The following C2CD4A variants were observed in gnomAD, a reference collection of about 807,000 sequenced individuals.
The protein encoded by C2CD4A is C2 calcium-dependent domain-containing protein 4A.
In C2CD4A, 2 loss-of-function variants were observed where a neutral mutation model predicts 0.4. The ratio of observed to expected loss-of-function variants is 4.45; its 90% confidence interval spans 1.82 to 13.99. The LOEUF (loss-of-function observed/expected upper bound fraction) is 13.99. Among genes scored for constraint, C2CD4A ranks in the 30% most tolerant of loss-of-function variants. The pLI, the probability that C2CD4A is intolerant of heterozygous loss-of-function variation, is 0.04. For missense variants in C2CD4A, 610 were observed against 574.2 expected (o/e 1.06, Z -0.64); for synonymous variants, 297 against 280.8 (o/e 1.06, Z -0.58).
chr15:62,067,689 G>C lies in C2CD4A; in HGVS notation c.76G>C (p.Ala26Pro). The C allele has an allele frequency of 6.2e-7, 1 of 1,608,054 alleles. No homozygotes were observed. Among genetic ancestry groups the C allele is most frequent in the Non-Finnish European group, 8.5e-7 (1 of 1,179,830 alleles). ...RSGDWLLPGR[A>P]RGAKSRTTAA... ...CGGAGACTGGCTTCTCCCGGGTCGG[G>C]CCCGCGGAGCCAAGTCTCGCACCAC... is the stretch of plus-strand genomic sequence containing the variant. Residue 26 changes from alanine to proline, a missense_variant, in exon 2 of 2, where the codon GCC (alanine) becomes CCC (proline). Coordinates refer to ENST00000355522, the MANE Select transcript of C2CD4A (RefSeq NM_207322.3).
chr15:62,070,464 G>T lies in C2CD4A; in HGVS notation c.*1741G>T. ...ATTATAGGCGTGAGCCACCATGCCC[G>T]ACCAGTTTCTGCTTTTATTAAAATT... On this transcript the variant is annotated 3_prime_UTR_variant, in exon 2 of 2. Coordinates refer to ENST00000355522, the MANE Select transcript of C2CD4A (RefSeq NM_207322.3). The T allele has an allele frequency of 7.3e-6, 3 of 413,334 alleles. No individual in the cohort carries two copies. Among genetic ancestry groups the T allele is most frequent in the South Asian group, 1.3e-4 (1 of 7,798 alleles). The allele number at this position is 413,334 out of a possible 1,614,324, so 25.6% of individuals were successfully genotyped here.
In C2CD4A at chr15:62,067,966, A is replaced by T; in HGVS notation, c.353A>T (p.Glu118Val). 1 of 1,521,994 alleles carries T rather than the reference A, an allele frequency of 6.6e-7. No individual in the cohort carries two copies. The highest frequency in any genetic ancestry group is 2.5e-5 in the East Asian group (1 of 39,390). The allele number at this position is 1,521,994 out of a possible 1,614,324, so 94.3% of individuals were successfully genotyped here. A position where few individuals can be genotyped will look rare whatever the true frequency, so the allele number is the denominator to read the frequency against. Residue 118 changes from glutamate to valine, a missense_variant, in exon 2 of 2, where the codon GAG becomes GTG. Transcript: ENST00000355522. ...LLESPHTRRK[E>V]SLLLGGPPAP... ...GAGAGCCCGCACACGCGCCGCAAGG[A>T]GTCGCTCCTGCTCGGGGGCCCGCCC...
At position 62,068,237 on chromosome 15, in the gene C2CD4A, C is replaced by T; in HGVS notation, c.624C>T (p.Ser208=). 1 of 1,376,968 alleles carries T rather than the reference C, an allele frequency of 7.3e-7. No homozygotes were observed. Among genetic ancestry groups the T allele is most frequent in the Non-Finnish European group, 9.4e-7 (1 of 1,064,092 alleles). The allele number at this position is 1,376,968 out of a possible 1,614,324, so 85.3% of individuals were successfully genotyped here. A position where few individuals can be genotyped will look rare whatever the true frequency, so the allele number is the denominator to read the frequency against. ...SRRLTRVRSV[S]SGNEDKERRA... is the part of the protein sequence containing the mutation. ...GCCTGACCCGCGTCCGCTCCGTCTC[C>T]AGCGGGAACGAGGACAAGGAGCGCC... Residue 208 remains serine, a synonymous_variant, in exon 2 of 2, where the codon TCC becomes TCT. Transcript: ENST00000355522.
rs975017504 is a variant in C2CD4A, at chr15:62,068,418, C to T, written c.805C>T (p.Arg269Trp). ...LAAEYCPGTG[R>W]LRLRLLRAES... ...CGCCGAGTACTGTCCGGGAACCGGG[C>T]GGCTCCGCCTCCGGCTGCTCCGCGC... is the stretch of plus-strand genomic sequence containing the variant. Residue 269 changes from arginine to tryptophan, a missense_variant, in exon 2 of 2, where the codon CGG becomes TGG. Coordinates refer to ENST00000355522, the MANE Select transcript of C2CD4A (RefSeq NM_207322.3). 35 of 1,399,242 alleles carry T rather than the reference C, an allele frequency of 2.5e-5. No individual in the cohort carries two copies. The highest frequency in any genetic ancestry group is 3.4e-5 in the Admixed American group (1 of 29,102). 86.7% of individuals were successfully genotyped at this position (1,399,242 alleles called of 1,614,324 possible).
rs149436922 is a variant in C2CD4A, at chr15:62,067,720, C to A, written c.107C>A (p.Ala36Glu). 6.2e-7 allele frequency: 1 copy of A among 1,611,582 alleles called. No individual in the cohort carries two copies. The highest frequency in any genetic ancestry group is 8.5e-7 in the Non-Finnish European group (1 of 1,179,960). Reference protein sequence around the residue: ...ARGAKSRTTAACANVLTPDRI... With the variant: ...ARGAKSRTTAECANVLTPDRI... ...GGAGCCAAGTCTCGCACCACCGCCG[C>A]GTGCGCAAATGTGCTCACTCCGGAC... is the stretch of plus-strand genomic sequence containing the variant. Residue 36 changes from alanine to glutamate, a missense_variant, in exon 2 of 2, where the codon GCG (alanine) becomes GAG (glutamate). By Grantham distance (107) the Ala-to-Glu change is moderately radical (BLOSUM62 -1). Transcript: ENST00000355522.
chr15:62,067,807 G>C lies in C2CD4A; in HGVS notation c.194G>C (p.Arg65Pro), dbSNP rs755255905. 7.4e-6 allele frequency: 12 copies of C among 1,612,002 alleles called. No homozygotes were observed. The highest frequency in any genetic ancestry group is 1.0e-5 in the Non-Finnish European group (12 of 1,179,836). Residue 65 changes from arginine (R) to proline (P), a missense_variant, in exon 2 of 2, where the codon CGG becomes CCG. Transcript: ENST00000355522. ...LMPRLALAAL[R>P]NSWVEEAGMD... ...CCCCGCCTGGCCTTGGCTGCGCTCCGGAATTCTTGGGTCGAAGAAGCAGGG... is the reference window on the plus strand; with the variant it reads ...CCCCGCCTGGCCTTGGCTGCGCTCCCGAATTCTTGGGTCGAAGAAGCAGGG...
In C2CD4A at chr15:62,067,732, T is replaced by C. The variant is rs747991182; in HGVS notation, c.119T>C (p.Val40Ala). The C allele has an allele frequency of 1.9e-6, 3 of 1,612,466 alleles. No homozygotes were observed. The highest frequency in any genetic ancestry group is 2.2e-5 in the East Asian group (1 of 44,844). Residue 40 changes from valine (V) to alanine (A), a missense_variant, in exon 2 of 2, where the codon GTG becomes GCG. Coordinates refer to ENST00000355522, the MANE Select transcript of C2CD4A (RefSeq NM_207322.3). ...CGCACCACCGCCGCGTGCGCAAATG[T>C]GCTCACTCCGGACCGCATCCCTGAG... Reference protein sequence around the residue: ...KSRTTAACANVLTPDRIPEFC... With the variant: ...KSRTTAACANALTPDRIPEFC...
In C2CD4A at chr15:62,067,617, T is replaced by C. The variant is rs2140846074; in HGVS notation, c.4T>C (p.Trp2Arg). 6.3e-7 allele frequency: 1 copy of C among 1,587,800 alleles called. No homozygotes were observed. Among genetic ancestry groups the C allele is most frequent in the African/African-American group, 1.3e-5 (1 of 74,842 alleles). ...AGCTCCAGCAGAGAGTGGCCAGATG[T>C]GGTGCCTGGAGCGACTCCGCTTGGG... Reference protein sequence around the residue: MWCLERLRLGPE... With the variant: MRCLERLRLGPE... Residue 2 changes from tryptophan (W) to arginine (R), a missense_variant, in exon 2 of 2, where the codon TGG (tryptophan) becomes CGG (arginine). Coordinates refer to ENST00000355522, the MANE Select transcript of C2CD4A (RefSeq NM_207322.3).
Position 62,068,304 on chromosome 15 carries a change from C to T in C2CD4A, c.691C>T (p.Pro231Ser). 1 of 1,419,002 alleles carries T rather than the reference C, an allele frequency of 7.0e-7. No individual in the cohort carries two copies. The highest frequency in any genetic ancestry group is 1.4e-5 in the South Asian group (1 of 70,280). 87.9% of individuals were successfully genotyped at this position (1,419,002 alleles called of 1,614,324 possible). A position where few individuals can be genotyped will look rare whatever the true frequency, so the allele number is the denominator to read the frequency against. Residue 231 changes from proline (P) to serine (S), a missense_variant, in exon 2 of 2, where the codon CCG becomes TCG. Physicochemically the swap from Pro to Ser is moderately conservative, Grantham distance 74. Coordinates refer to ENST00000355522, the MANE Select transcript of C2CD4A (RefSeq NM_207322.3). ...QSPARAPSTS[P>S]PSSRVPFPER... ...CCCGGCCCGGGCCCCCTCCACGAGC[C>T]CGCCGTCGTCCCGGGTCCCGTTTCC...
At position 62,068,297 on chromosome 15, in the gene C2CD4A, C is replaced by T. The variant is rs1035326539; in HGVS notation, c.684C>T (p.Ser228=). The T allele has an allele frequency of 6.4e-6, 9 of 1,416,728 alleles. No individual in the cohort carries two copies. The Admixed American group carries it at 1.3e-4, about 21-fold the overall frequency. The allele number at this position is 1,416,728 out of a possible 1,614,324, so 87.8% of individuals were successfully genotyped here. A position where few individuals can be genotyped will look rare whatever the true frequency, so the allele number is the denominator to read the frequency against. The change falls in exon 2 of 2, where the codon TCC becomes TCT. Residue 228 remains serine, a synonymous_variant. Coordinates refer to ENST00000355522, the MANE Select transcript of C2CD4A (RefSeq NM_207322.3). ...AGSQSPARAP[S]TSPPSSRVPF... is the part of the protein sequence containing the mutation. Reference sequence around the variant, plus strand: ...CCCAGTCCCCGGCCCGGGCCCCCTCCACGAGCCCGCCGTCGTCCCGGGTCC... The same window carrying T: ...CCCAGTCCCCGGCCCGGGCCCCCTCTACGAGCCCGCCGTCGTCCCGGGTCC...
chr15:62,068,617 G>A lies in C2CD4A; in HGVS notation c.1004G>A (p.Arg335His), dbSNP rs1279412452. 1 of 1,559,778 alleles carries A rather than the reference G, an allele frequency of 6.4e-7. No individual in the cohort carries two copies. Among genetic ancestry groups the A allele is most frequent in the South Asian group, 1.2e-5 (1 of 84,824 alleles). The stretch of plus-strand genomic sequence containing the variant: ...GACGGCCTCTCGGAGGACGAAGTGC[G>A]CCGCCTGGCCGTTCGAGTCAAGGCC... ...CFDGLSEDEV[R>H]RLAVRVKARD... is the part of the protein sequence containing the mutation. Residue 335 changes from arginine (R) to histidine (H), a missense_variant, in exon 2 of 2, where the codon CGC (arginine) becomes CAC (histidine). By Grantham distance (29) the Arg-to-His change is conservative (BLOSUM62 0). Coordinates refer to ENST00000355522, the MANE Select transcript of C2CD4A (RefSeq NM_207322.3).
Position 62,067,682 on chromosome 15 carries a change from G to A in C2CD4A, c.69G>A (p.Pro23=). The part of the protein sequence containing the change: ...CLRRSGDWLL[P]GRARGAKSRT... ...GGCGGAGCGGAGACTGGCTTCTCCC[G>A]GGTCGGGCCCGCGGAGCCAAGTCTC... Residue 23 remains proline (P), a synonymous_variant, in exon 2 of 2, where the codon CCG becomes CCA. Transcript: ENST00000355522. 15 of 1,607,810 alleles carry A rather than the reference G, an allele frequency of 9.3e-6. No individual in the cohort carries two copies. The highest frequency in any genetic ancestry group is 1.2e-5 in the Non-Finnish European group (14 of 1,179,758).
In C2CD4A at chr15:62,068,335, G is replaced by T. The variant is rs1300185448; in HGVS notation, c.722G>T (p.Arg241Leu). 7.8e-6 allele frequency: 11 copies of T among 1,410,936 alleles called. No individual in the cohort carries two copies. The highest frequency in any genetic ancestry group is 2.9e-5 in the South Asian group (2 of 68,642). The allele number at this position is 1,410,936 out of a possible 1,614,324, so 87.4% of individuals were successfully genotyped here. A position where few individuals can be genotyped will look rare whatever the true frequency, so the allele number is the denominator to read the frequency against. Residue 241 changes from arginine to leucine, a missense_variant, in exon 2 of 2, where the codon CGC (arginine) becomes CTC (leucine). Transcript: ENST00000355522. ...PPSSRVPFPE[R>L]LEAEGTVALG... ...TCGTCCCGGGTCCCGTTTCCCGAGCGCCTGGAGGCCGAGGGCACCGTGGCT... is the reference window on the plus strand; with the variant it reads ...TCGTCCCGGGTCCCGTTTCCCGAGCTCCTGGAGGCCGAGGGCACCGTGGCT...
In C2CD4A at chr15:62,069,160, G is replaced by A. The variant is rs965319756; in HGVS notation, c.*437G>A. ...CCCGGATAAGAAAATGAGGGCAAAA[G>A]AGGTGAAGTGACTTGTCCAAGATCA... On this transcript the variant is annotated 3_prime_UTR_variant, in exon 2 of 2. Coordinates refer to ENST00000355522, the MANE Select transcript of C2CD4A (RefSeq NM_207322.3). 1 of 176,336 alleles carries A rather than the reference G, an allele frequency of 5.7e-6. No homozygotes were observed. The highest frequency in any genetic ancestry group is 2.0e-4 in the South Asian group (1 of 4,936). 10.9% of individuals were successfully genotyped at this position (176,336 alleles called of 1,614,324 possible). A position where few individuals can be genotyped will look rare whatever the true frequency, so the allele number is the denominator to read the frequency against.
chr15:62,067,507 T>G, intron 1 of C2CD4A, 78 bp from the exon 2 acceptor site: 1 of 1,219,482 alleles, frequency 8.2e-7, no homozygotes, highest in Non-Finnish European at 1.1e-6. Context: ...CCGAAAGTAT[T>G]AATAGGAGAA....
rs2049074776 is a variant in C2CD4A at position 62,070,121 on chromosome 15, G to A, written c.*1398G>A. The A allele has an allele frequency of 2.5e-6, 1 of 393,110 alleles. No homozygotes were observed. The highest frequency in any genetic ancestry group is 2.1e-5 in the African/African-American group (1 of 48,214). The allele number at this position is 393,110 out of a possible 1,614,324, so 24.4% of individuals were successfully genotyped here. A position where few individuals can be genotyped will look rare whatever the true frequency, so the allele number is the denominator to read the frequency against. ...CCAGATTTAACAATCCTGTTTTAGAGGACGATTTTCCCTCATCCCTTGAAT... is the reference window on the plus strand; with the variant it reads ...CCAGATTTAACAATCCTGTTTTAGAAGACGATTTTCCCTCATCCCTTGAAT... On this transcript the variant is annotated 3_prime_UTR_variant, in exon 2 of 2. Transcript: ENST00000355522.
Position 62,068,734 on chromosome 15 carries a change from C to T in C2CD4A, c.*11C>T. ...CTCCTGCTGCTCTGAGGGCCCAGCCCTCCCCGGGGCGCTCTGCCCGGGGGA... is the reference window on the plus strand; with the variant it reads ...CTCCTGCTGCTCTGAGGGCCCAGCCTTCCCCGGGGCGCTCTGCCCGGGGGA... On this transcript the variant is annotated 3_prime_UTR_variant, in exon 2 of 2. Transcript: ENST00000355522. 6.9e-7 allele frequency: 1 copy of T among 1,453,378 alleles called. No homozygotes were observed. The highest frequency in any genetic ancestry group is 9.1e-7 in the Non-Finnish European group (1 of 1,098,264). The allele number at this position is 1,453,378 out of a possible 1,614,324, so 90.0% of individuals were successfully genotyped here.
At position 62,070,086 on chromosome 15, in the gene C2CD4A, G is replaced by A; in HGVS notation, c.*1363G>A. 1 of 348,388 alleles carries A rather than the reference G, an allele frequency of 2.9e-6. No homozygotes were observed. The highest frequency in any genetic ancestry group is 5.3e-6 in the Non-Finnish European group (1 of 187,464). 21.6% of individuals were successfully genotyped at this position (348,388 alleles called of 1,614,324 possible). ...TAGCATGGTTTTACCTCTGGCTTCT[G>A]ATAATAATTCCAGATTTAACAATCC... On this transcript the variant is annotated 3_prime_UTR_variant, in exon 2 of 2. Coordinates refer to ENST00000355522, the MANE Select transcript of C2CD4A (RefSeq NM_207322.3).
rs865900020 is a variant in C2CD4A, at chr15:62,068,560, G to A, written c.947G>A (p.Arg316His). 6.4e-7 allele frequency: 1 copy of A among 1,569,678 alleles called. No homozygotes were observed. Among genetic ancestry groups the A allele is most frequent in the Admixed American group, 1.9e-5 (1 of 53,812 alleles). The change falls in exon 2 of 2, where the codon CGC (arginine) becomes CAC (histidine). Residue 316 changes from arginine to histidine, a missense_variant. By Grantham distance (29) the Arg-to-His change is conservative. Transcript: ENST00000355522. ...RQCSTVVGRS[R>H]KASFDQDFCF... ...TGCAGCACTGTGGTGGGGCGCAGCC[G>A]CAAGGCCTCCTTTGACCAGGACTTC...
Sources: gnomAD v4.1 joint callset for allele counts on GRCh38, gnomAD v4.1.1 for gene constraint, MANE v1.5 for transcripts, NCBI Gene and HGNC (gene_info 2026-07-23, HGNC 2026-07-21) for gene names.